The following MET variants were observed in gnomAD, a reference collection of about 807,000 sequenced individuals.
MET encodes the protein hepatocyte growth factor receptor.
A neutral mutation model predicts 133.1 loss-of-function variants in MET; 48 were observed. That is an observed-to-expected ratio of 0.36 (90% CI 0.29 to 0.46). MET has a LOEUF of 0.46. Among genes scored for constraint, MET ranks in the 20% least tolerant of loss-of-function variants. The probability of loss-of-function intolerance (pLI) is 1.00; values close to 1 mark genes in which losing one functional copy is unlikely to be tolerated. For missense variants in MET, 1,442 were observed against 1,695.9 expected, an observed-to-expected ratio of 0.85 and a Z score of 2.63; for synonymous variants, 628 against 616.5, an observed-to-expected ratio of 1.02 and a Z score of -0.28.
chr7:116,741,002 A>G lies in MET; in HGVS notation c.1678A>G (p.Ile560Val), dbSNP rs1351634349. The G allele has an allele frequency of 6.2e-7, 1 of 1,612,350 alleles. No homozygotes were observed. The highest frequency in any genetic ancestry group is 2.2e-5 in the East Asian group (1 of 44,796). Reference protein sequence around the residue: ...ECLSGTWTQQICLPAIYKVFP... With the variant: ...ECLSGTWTQQVCLPAIYKVFP... ...CCTGAGCGGGACATGGACTCAACAG[A>G]TCTGTCTGCCTGCAATCTACAAGGT... Residue 560 changes from isoleucine to valine, a missense_variant, in exon 5 of 21, where the codon ATC becomes GTC. This residue lies in a region of MET where 762 missense variants were observed against 792.4 expected (regional missense o/e 0.96). Transcript: ENST00000397752.
chr7:116,716,455 AAAAGAAAGAAAGAGAAAG>A (rs1180445951), intron 2 of MET, among the ~76,000 whole-genome samples: 5 of 147,052 alleles, frequency 3.4e-5, no homozygotes, highest in South Asian at 2.2e-4. Flanking sequence ...AAAGAAAAAG[AAAAGAAAGAAAGAGAAAG>A]AAAGAAAGAA....
At chr7:116,694,846 C>A (rs1056435196) in intron 1 of MET, among the ~76,000 whole-genome samples, 1 of 151,952 alleles carries the variant, frequency 6.6e-6, no homozygotes, top group African/African-American at 2.4e-5. Flanking sequence ...GCCACCACAC[C>A]CAGCTAATTT....
rs758016814 is a variant in MET at position 116,699,235 on chromosome 7, C to T, written c.151C>T (p.Pro51Ser). The T allele has an allele frequency of 1.9e-6, 3 of 1,613,968 alleles. 1 individual carries two copies. In the South Asian group the frequency reaches 3.3e-5, roughly 18 times the overall value. Residue 51 changes from proline (P) to serine (S), a missense_variant, in exon 2 of 21, where the codon CCC (proline) becomes TCC (serine). Physicochemically the swap from Pro to Ser is moderately conservative, Grantham distance 74. This residue lies in a region of MET where 762 missense variants were observed against 792.4 expected (regional missense o/e 0.96). Coordinates refer to ENST00000397752, the MANE Select transcript of MET (RefSeq NM_000245.4). ...YQLPNFTAET[P>S]IQNVILHEHH... Reference sequence around the variant, plus strand: ...GCTTCCCAACTTCACCGCGGAAACACCCATCCAGAATGTCATTCTACATGA... The same window carrying T: ...GCTTCCCAACTTCACCGCGGAAACATCCATCCAGAATGTCATTCTACATGA...
chr7:116,740,169 T>C lies in MET; in HGVS notation c.1527+85T>C, dbSNP rs181062044. The C allele has an allele frequency of 6.7e-5, 100 of 1,482,148 alleles. No individual in the cohort carries two copies. In the African/African-American group the frequency reaches 1.2e-3, roughly 18 times the overall value. The allele number at this position is 1,482,148 out of a possible 1,614,324, so 91.8% of individuals were successfully genotyped here. On this transcript the variant is annotated intron_variant, in intron 4 of 20. Transcript: ENST00000397752. ...ACCAGTGTCACTTGGCCCTTTATAA[T>C]GTCTCTCTTCATCTTAAATTTACCC...
chr7:116,742,520 A>G (rs562002883), intron 5 of MET, among the ~76,000 whole-genome samples: 40 of 152,252 alleles, frequency 2.6e-4, no homozygotes, highest in Admixed American at 1.0e-3. Flanking sequence ...AAATCACAAC[A>G]ATTTCATTTC....
intron 11 of MET, among the ~76,000 whole-genome samples, chr7:116,767,049 T>C (rs1239067028): frequency 6.6e-6 from 1 of 152,150 alleles, no homozygotes; most frequent in Non-Finnish European, 1.5e-5. Context: ...CTCACTAATT[T>C]CCTACTGCTG....
chr7:116,698,972 G>A, intron 1 of MET, 99 bp from the exon 2 acceptor site: 1 of 1,543,166 alleles, frequency 6.5e-7, no homozygotes, highest in Admixed American at 1.8e-5. Flanking sequence ...AAGTCCAGTT[G>A]GGAAGCTTTA....
chr7:116,734,896 G>A (rs904430680), intron 3 of MET, among the ~76,000 whole-genome samples: 1 of 152,142 alleles, frequency 6.6e-6, no homozygotes, highest in Non-Finnish European at 1.5e-5. Flanking sequence ...TCTCCCTTCT[G>A]AGCGCCTCGT....
chr7:116,725,098 C>T (rs933755340), intron 2 of MET, among the ~76,000 whole-genome samples: 2 of 151,992 alleles, frequency 1.3e-5, no homozygotes, highest in African/African-American at 2.4e-5. Flanking sequence ...TATGCCTGTA[C>T]GTAAGAAGTA....
At chr7:116,755,556 A>G in intron 6 of MET, 41 bp downstream of exon 6, 1 of 1,612,574 alleles carries the variant, frequency 6.2e-7, no homozygotes, top group Non-Finnish European at 8.5e-7. Context: ...TGCTTGGAAA[A>G]TAGGTTTTGT....
At chr7:116,674,783 C>T (rs948297002) in intron 1 of MET, among the ~76,000 whole-genome samples, 2 of 152,190 alleles carry the variant, frequency 1.3e-5, no homozygotes, top group African/African-American at 2.4e-5. Flanking sequence ...CAAGGCCTTC[C>T]GTGCCCCCAT....
intron 5 of MET, 70 bp downstream of exon 5, chr7:116,741,095 G>GTTTTTT: frequency 6.4e-7 from 1 of 1,560,352 alleles, no homozygotes; most frequent in Admixed American, 1.8e-5. Context: ...GTTTGGTTTG[G>GTTTTTT]TTTGTTTTTT....
rs1377691467 is a variant in MET at position 116,740,191 on chromosome 7, AC to A, written c.1527+111del. 4.7e-6 allele frequency: 6 copies of A among 1,271,058 alleles called. No homozygotes were observed. In the African/African-American group the frequency reaches 7.4e-5, roughly 16 times the overall value. The allele number at this position is 1,271,058 out of a possible 1,614,324, so 78.7% of individuals were successfully genotyped here. On this transcript the variant is annotated intron_variant, in intron 4 of 20. Coordinates refer to ENST00000397752, the MANE Select transcript of MET (RefSeq NM_000245.4). ...TAATGTCTCTCTTCATCTTAAATTT[AC>A]CCCTCCTCCATTAAGTTCTTTAGTG...
At chr7:116,674,039 G>A (rs930244833) in intron 1 of MET, among the ~76,000 whole-genome samples, 9 of 152,052 alleles carry the variant, frequency 5.9e-5, no homozygotes, top group Admixed American at 1.3e-4. Context: ...ATTCTATTCC[G>A]TTTTCAAACT....
At chr7:116,674,799 C>T (rs913667986) in intron 1 of MET, among the ~76,000 whole-genome samples, 2 of 152,204 alleles carry the variant, frequency 1.3e-5, no homozygotes, top group African/African-American at 4.8e-5. Context: ...CCCATTTCTC[C>T]AGCCCAGTTT....
At chr7:116,675,149 C>T (rs2116435288) in intron 1 of MET, among the ~76,000 whole-genome samples, 1 of 152,328 alleles carries the variant, frequency 6.6e-6, no homozygotes, top group East Asian at 1.9e-4. Flanking sequence ...TTCAGAATCA[C>T]TTTGATGATG....
chr7:116,787,911 C>A lies in MET; in HGVS notation c.3798+4442C>A, dbSNP rs549320063. On this transcript the variant is annotated intron_variant, in intron 19 of 20. Transcript: ENST00000397752. Reference sequence around the variant, plus strand: ...TAGTTTTCTTCATAATAGCCAAAAACCAGAAGCAATCTTAATGTCCATCAA... The same window carrying A: ...TAGTTTTCTTCATAATAGCCAAAAAACAGAAGCAATCTTAATGTCCATCAA... 4.0e-4 allele frequency among the ~76,000 whole-genome samples: 61 copies of A among 152,084 alleles called. 2 individuals are homozygous for A. The South Asian group carries it at 0.012, about 31-fold the overall frequency.
At chr7:116,772,429 A>G (rs1318963633) in intron 14 of MET, among the ~76,000 whole-genome samples, 1 of 152,224 alleles carries the variant, frequency 6.6e-6, no homozygotes, top group Non-Finnish European at 1.5e-5. Flanking sequence ...AACTGTTAGT[A>G]CACAGCCTTT....
intron 19 of MET, among the ~76,000 whole-genome samples, chr7:116,785,660 C>G (rs1261871479): frequency 6.6e-6 from 1 of 152,068 alleles, no homozygotes; most frequent in Non-Finnish European, 1.5e-5. Flanking sequence ...CAATCATTCT[C>G]CAAGACAACT....
Sources: gnomAD v4.1 joint callset for allele counts (sites outside exome capture counted in the v4.1 genomes callset) on GRCh38, gnomAD v4.1.1 for gene constraint, gnomAD v4.1.1 regional missense constraint, MANE v1.5 for transcripts, NCBI Gene and HGNC (gene_info 2026-07-23, HGNC 2026-07-21) for gene names.